PTBP2: variants seen among roughly 807,000 people sequenced by gnomAD.
PTBP2 encodes polypyrimidine tract binding protein 2.
In PTBP2, 13 loss-of-function variants were observed where a neutral mutation model predicts 61.4. That is an observed-to-expected ratio of 0.21 (90% CI 0.14 to 0.34). PTBP2 has a LOEUF of 0.34. PTBP2 is among the 10% of genes least tolerant of loss of function. The pLI is 1.00. For synonymous variants in PTBP2, 215 were observed against 218.5 expected, an observed-to-expected ratio of 0.98 and a Z score of 0.14; for missense variants, 405 against 642.6, an observed-to-expected ratio of 0.63 and a Z score of 4.00.
chr1:96,757,285 C>T (rs143904942), intron 3 of PTBP2, among the ~76,000 whole-genome samples: 179 of 152,164 alleles, frequency 1.2e-3, no homozygotes, highest in African/African-American at 4.3e-3. Context: ...TCCGTGCAAA[C>T]AGTAAGCACA....
At chr1:96,784,226 A>G (rs886892471) in intron 7 of PTBP2, among the ~76,000 whole-genome samples, 3 of 152,106 alleles carry the variant, frequency 2.0e-5, no homozygotes, top group East Asian at 1.9e-4. Context: ...CAAGATAATC[A>G]TAGCGGTAAC....
Position 96,791,826 on chromosome 1 carries a change from C to CTTT in PTBP2, c.904+6593_904+6595dup, listed in dbSNP as rs1163642886. Among the ~76,000 whole-genome samples the CTTT allele has an allele frequency of 1.8e-3, 121 of 66,088 alleles. 2 individuals are homozygous for CTTT. The highest frequency in any genetic ancestry group is 2.9e-3 in the African/African-American group (35 of 12,198). 43.4% of individuals were successfully genotyped at this position (66,088 alleles called of 152,430 possible). The stretch of plus-strand genomic sequence containing the variant: ...TCCACCTCTGTTGCTTGGAGTTGTG[C>CTTT]TTTTTTTTTTTTTTTTTTTTTTTGA... On this transcript the variant is annotated intron_variant, in intron 8 of 13. Coordinates refer to ENST00000674951, the MANE Select transcript of PTBP2 (RefSeq NM_021190.4).
rs57451223 is a variant in PTBP2, at chr1:96,761,346, A to ATGTGTGTGTG, written c.116-8323_116-8314dup. 5.8e-3 allele frequency among the ~76,000 whole-genome samples: 821 copies of ATGTGTGTGTG among 140,562 alleles called. 9 individuals carry two copies. The highest frequency in any genetic ancestry group is 0.012 in the East Asian group (56 of 4,660). 92.2% of individuals were successfully genotyped at this position (140,562 alleles called of 152,430 possible). A position where few individuals can be genotyped will look rare whatever the true frequency, so the allele number is the denominator to read the frequency against. On this transcript the variant is annotated intron_variant, in intron 3 of 13. Coordinates refer to ENST00000674951, the MANE Select transcript of PTBP2 (RefSeq NM_021190.4). The stretch of plus-strand genomic sequence containing the variant: ...AGCAGGGGCCTAGATGTGGGATTTG[A>ATGTGTGTGTG]TGTGTGTGTGTGTGTGTGTGTGTGT...
At chr1:96,751,958 G>A (rs1254526642) in intron 3 of PTBP2, among the ~76,000 whole-genome samples, 1 of 151,892 alleles carries the variant, frequency 6.6e-6, no homozygotes, top group Non-Finnish European at 1.5e-5. Flanking sequence ...CTAATTTTTT[G>A]CTGAAACAGT....
intron 3 of PTBP2, among the ~76,000 whole-genome samples, chr1:96,753,926 G>T (rs1654867197): frequency 1.3e-5 from 2 of 152,112 alleles, no homozygotes; most frequent in African/African-American, 4.8e-5. Flanking sequence ...CAATGAAGCA[G>T]TCTGACATGT....
chr1:96,808,124 C>T (rs535805575), intron 11 of PTBP2, among the ~76,000 whole-genome samples: 1 of 152,090 alleles, frequency 6.6e-6, no homozygotes, highest in South Asian at 2.1e-4. Context: ...TTGGTAATTA[C>T]CTGTGGTAGA....
chr1:96,819,234 C>CT (rs1455835111), downstream of PTBP2: 2 of 152,000 alleles, frequency 1.3e-5, no homozygotes, highest in African/African-American at 4.8e-5. Context: ...ATAGCACAGT[C>CT]TAACAGTTGA....
chr1:96,796,303 AAAAG>A (rs966782898), intron 8 of PTBP2, among the ~76,000 whole-genome samples: 12 of 151,922 alleles, frequency 7.9e-5, no homozygotes, highest in Non-Finnish European at 1.0e-4. Context: ...AAAAAAAAAA[AAAAG>A]AAGTAGGTGC....
chr1:96,733,128 A>G (rs1031087689), intron 2 of PTBP2, among the ~76,000 whole-genome samples: 4 of 151,318 alleles, frequency 2.6e-5, no homozygotes, highest in Non-Finnish European at 5.9e-5. Context: ...TCAAGGTGTT[A>G]GCAGGGCTGT....
intron 8 of PTBP2, among the ~76,000 whole-genome samples, chr1:96,802,655 G>C (rs1661136850): frequency 6.6e-6 from 1 of 152,152 alleles, no homozygotes; most frequent in African/African-American, 2.4e-5. Context: ...AAGGGAATTT[G>C]AGGCTTGGTA....
At chr1:96,807,934 CTGTG>C (rs1661659436) in intron 11 of PTBP2, among the ~76,000 whole-genome samples, 1 of 152,166 alleles carries the variant, frequency 6.6e-6, no homozygotes, top group Admixed American at 6.5e-5. Flanking sequence ...TCCTCTTTCT[CTGTG>C]TGCACTTCTG....
At chr1:96,746,020 C>A (rs147975278) in intron 2 of PTBP2, among the ~76,000 whole-genome samples, 2 of 151,054 alleles carry the variant, frequency 1.3e-5, no homozygotes, top group Admixed American at 6.6e-5. Flanking sequence ...GAGCTGAGAC[C>A]GCGCCATTAC....
intron 3 of PTBP2, among the ~76,000 whole-genome samples, chr1:96,768,474 G>T (rs1029837489): frequency 6.6e-6 from 1 of 151,818 alleles, no homozygotes; most frequent in Admixed American, 6.6e-5. Flanking sequence ...ATACAAAATG[G>T]AGTATACATG....
At chr1:96,799,236 G>A (rs1263411377) in intron 8 of PTBP2, among the ~76,000 whole-genome samples, 1 of 147,744 alleles carries the variant, frequency 6.8e-6, no homozygotes, top group Non-Finnish European at 1.5e-5. Flanking sequence ...GCACATGATC[G>A]TTTATGAAGC....
At chr1:96,737,285 T>A (rs66705010) in intron 2 of PTBP2, among the ~76,000 whole-genome samples, 18,534 of 152,160 alleles carry the variant, frequency 0.12, 1,239 homozygotes, top group African/African-American at 0.17. Context: ...TTTTTACTTT[T>A]AAAAATGTGG....
intron 8 of PTBP2, among the ~76,000 whole-genome samples, chr1:96,794,419 T>C (rs1475113697): frequency 6.6e-6 from 1 of 152,244 alleles, no homozygotes; most frequent in Non-Finnish European, 1.5e-5. Flanking sequence ...AAAAACTATA[T>C]ATGTTTGTGA....
At chr1:96,802,211 GAAAAAAA>G (rs5776325) in intron 8 of PTBP2, among the ~76,000 whole-genome samples, 4 of 54,008 alleles carry the variant, frequency 7.4e-5, no homozygotes, top group African/African-American at 1.6e-4. Flanking sequence ...ACTCCGTCTC[GAAAAAAA>G]AAAAAAAAAA....
chr1:96,812,718 A>C lies in PTBP2; in HGVS notation c.1178A>C (p.Asn393Thr). 6.3e-7 allele frequency: 1 copy of C among 1,580,036 alleles called. No homozygotes were observed. Among genetic ancestry groups the C allele is most frequent in the Non-Finnish European group, 8.7e-7 (1 of 1,150,042 alleles). ...ACATGCTTTCTTTTTATAGCCATGA[A>C]TCATCTTAATGGACAGAAAATGTAT... ...ADGNQSQLAM[N>T]HLNGQKMYGK... The change falls in exon 12 of 14, where the codon AAT becomes ACT. Residue 393 changes from asparagine to threonine, a missense_variant. Asn to Thr is a moderately conservative substitution (Grantham distance 65). This residue lies in a region of PTBP2 where 342 missense variants were observed against 491.2 expected (regional missense o/e 0.70). Transcript: ENST00000674951.
chr1:96,818,654 G>T (rs1357969919), downstream of PTBP2: 2 of 152,058 alleles, frequency 1.3e-5, no homozygotes, highest in African/African-American at 4.8e-5. Flanking sequence ...TTGGACATAA[G>T]TTGGAGAAGC....
Sources: allele counts gnomAD v4.1 joint callset (sites outside exome capture counted in the v4.1 genomes callset), GRCh38; gene constraint gnomAD v4.1.1; regional missense constraint gnomAD v4.1.1; transcripts MANE v1.5; gene names NCBI Gene and HGNC (gene_info 2026-07-23, HGNC 2026-07-21).